The following VAC14 variants were observed in gnomAD, a reference collection of about 807,000 sequenced individuals.
VAC14 encodes protein VAC14 homolog.
Under a neutral mutation model 85.3 loss-of-function variants are expected in VAC14, and 47 were observed. That is an observed-to-expected ratio of 0.55 (90% CI 0.44 to 0.70). VAC14 has a LOEUF of 0.70. Ranked by LOEUF, VAC14 falls within the 30% of genes least tolerant of loss-of-function variation. The probability of loss-of-function intolerance (pLI) is 0.00; values close to 1 mark genes in which losing one functional copy is unlikely to be tolerated. For missense variants in VAC14, 861 were observed against 1,004.3 expected, an observed-to-expected ratio of 0.86 and a Z score of 1.93; for synonymous variants, 447 against 430.5, an observed-to-expected ratio of 1.04 and a Z score of -0.47.
intron 14 of VAC14, among the ~76,000 whole-genome samples, chr16:70,718,621 A>G (rs2054219361): frequency 6.6e-6 from 1 of 151,660 alleles, no homozygotes; most frequent in Non-Finnish European, 1.5e-5. Context: ...TTGGGAAGGC[A>G]GCCACATGGC....
At position 70,687,592 on chromosome 16, in the gene VAC14, T is replaced by A. The variant is rs1045290534; in HGVS notation, c.*336A>T. The A allele has an allele frequency of 1.7e-5, 4 of 231,196 alleles. No individual in the cohort carries two copies. Among genetic ancestry groups the A allele is most frequent in the African/African-American group, 9.0e-5 (4 of 44,336 alleles). 14.3% of individuals were successfully genotyped at this position (231,196 alleles called of 1,614,324 possible). A position where few individuals can be genotyped will look rare whatever the true frequency, so the allele number is the denominator to read the frequency against. On this transcript the variant is annotated 3_prime_UTR_variant, in exon 19 of 19. Coordinates refer to ENST00000261776, the MANE Select transcript of VAC14 (RefSeq NM_018052.5). ...ATACATATACACACAAGGCCAGAGC[T>A]CTAGTGTGCTGGAGGAGGGGCAAGC...
At chr16:70,796,920 T>C (rs554603805) in intron 1 of VAC14, among the ~76,000 whole-genome samples, 8 of 152,052 alleles carry the variant, frequency 5.3e-5, no homozygotes, top group Non-Finnish European at 1.0e-4. Flanking sequence ...TTCCATAGGA[T>C]CAGTGTCCTC....
intron 10 of VAC14, among the ~76,000 whole-genome samples, chr16:70,765,250 C>A (rs541874649): frequency 1.1e-4 from 17 of 152,268 alleles, no homozygotes; most frequent in African/African-American, 2.9e-4. Flanking sequence ...TGAAACAGTA[C>A]CCCCTGGGAG....
At chr16:70,782,781 A>C (rs998432125) in intron 7 of VAC14, among the ~76,000 whole-genome samples, 2 of 152,200 alleles carry the variant, frequency 1.3e-5, no homozygotes, top group African/African-American at 4.8e-5. Context: ...AAACCTCCAG[A>C]TCTTACTCCA....
intron 14 of VAC14, among the ~76,000 whole-genome samples, chr16:70,704,757 T>C (rs2053891019): frequency 6.6e-6 from 1 of 152,176 alleles, no homozygotes; most frequent in Non-Finnish European, 1.5e-5. Context: ...AGCTGGGGAA[T>C]GGCTCCTTCG....
intron 10 of VAC14, chr16:70,769,821 T>G (rs2033083862): frequency 6.6e-6 from 1 of 152,240 alleles, no homozygotes; most frequent in African/African-American, 2.4e-5. Flanking sequence ...TGCCTTCTCC[T>G]AGACCTCCCC....
chr16:70,792,477 T>G (rs1314307395), intron 1 of VAC14, among the ~76,000 whole-genome samples: 4 of 152,202 alleles, frequency 2.6e-5, no homozygotes, highest in African/African-American at 9.6e-5. Context: ...CTCCAAAAAG[T>G]GCTAAAGAAC....
chr16:70,796,793 C>T (rs2034564247), intron 1 of VAC14, among the ~76,000 whole-genome samples: 1 of 152,188 alleles, frequency 6.6e-6, no homozygotes, highest in African/African-American at 2.4e-5. Context: ...ACTGAACAGT[C>T]CCCCAACCCC....
chr16:70,704,733 G>A (rs1314965709), intron 14 of VAC14, among the ~76,000 whole-genome samples: 1 of 152,238 alleles, frequency 6.6e-6, no homozygotes, highest in Non-Finnish European at 1.5e-5. Flanking sequence ...GACAGCCGGA[G>A]CCCGCTCGGG....
intron 1 of VAC14, 39 bp downstream of exon 1, chr16:70,800,757 AG>A: frequency 1.3e-6 from 2 of 1,565,556 alleles, no homozygotes; most frequent in Admixed American, 3.4e-5. Flanking sequence ...CAGAGCAGTC[AG>A]GGGCTGCATA....
At chr16:70,701,858 C>T (rs1477098655) in intron 14 of VAC14, among the ~76,000 whole-genome samples, 2 of 152,216 alleles carry the variant, frequency 1.3e-5, no homozygotes, top group Non-Finnish European at 2.9e-5. Context: ...TTCCTGACCT[C>T]GCCAAGCCCA....
intron 1 of VAC14, among the ~76,000 whole-genome samples, chr16:70,797,420 G>A (rs566237273): frequency 1.3e-5 from 2 of 152,260 alleles, no homozygotes; most frequent in African/African-American, 2.4e-5. Flanking sequence ...CATATTCACA[G>A]GCTCCAGGGA....
chr16:70,778,246 T>G (rs1019000140), intron 9 of VAC14, among the ~76,000 whole-genome samples: 1 of 152,148 alleles, frequency 6.6e-6, no homozygotes, highest in Non-Finnish European at 1.5e-5. Flanking sequence ...GCCTCCCGCG[T>G]GGCAGGCGAG....
intron 10 of VAC14, among the ~76,000 whole-genome samples, chr16:70,764,046 G>A (rs562576456): frequency 3.9e-4 from 60 of 152,270 alleles, no homozygotes; most frequent in South Asian, 6.2e-4. Flanking sequence ...GTCCCCTGCC[G>A]GTATAAAACC....
At chr16:70,778,764 T>G (rs550533305) in intron 9 of VAC14, 1 of 152,284 alleles carries the variant, frequency 6.6e-6, no homozygotes, top group East Asian at 1.9e-4. Flanking sequence ...CTGGAAAAAA[T>G]ACATCAAAAT....
intron 13 of VAC14, among the ~76,000 whole-genome samples, chr16:70,733,395 A>G (rs1262274453): frequency 6.7e-6 from 1 of 149,992 alleles, no homozygotes; most frequent in Non-Finnish European, 1.5e-5. Context: ...ATCAGCTGGT[A>G]TTTTCTCCCA....
chr16:70,706,587 C>A (rs2053924420), intron 14 of VAC14, among the ~76,000 whole-genome samples: 1 of 152,230 alleles, frequency 6.6e-6, no homozygotes, highest in Admixed American at 6.5e-5. Context: ...TCTTAGCTCA[C>A]TGCAACCTCT....
chr16:70,721,183 A>G (rs1282446603), intron 14 of VAC14, among the ~76,000 whole-genome samples: 4 of 152,206 alleles, frequency 2.6e-5, no homozygotes, highest in Non-Finnish European at 4.4e-5. Flanking sequence ...GAAGTGGGCC[A>G]GAATAAGGGA....
At chr16:70,757,075 G>A (rs779165243) in intron 12 of VAC14, among the ~76,000 whole-genome samples, 1 of 152,178 alleles carries the variant, frequency 6.6e-6, no homozygotes, top group Admixed American at 6.5e-5. Context: ...AGCTACGGGA[G>A]GGGGAAGAGA....
Sources: allele counts gnomAD v4.1 joint callset (sites outside exome capture counted in the v4.1 genomes callset), GRCh38; gene constraint gnomAD v4.1.1; transcripts MANE v1.5; gene names NCBI Gene and HGNC (gene_info 2026-07-23, HGNC 2026-07-21).